Variants in CDH8 observed in about 807,000 individuals in gnomAD.
CDH8 encodes the protein cadherin-8.
A neutral mutation model predicts 68.1 loss-of-function variants in CDH8; 17 were observed. The observed-to-expected ratio is 0.25, with a 90% CI of 0.17 to 0.37. CDH8 has a LOEUF of 0.37. CDH8 is among the 10% of genes least tolerant of loss of function. CDH8 has a pLI of 1.00. For missense variants in CDH8, 763 were observed against 999.3 expected (o/e 0.76, Z 3.19); for synonymous variants, 372 against 365.1 (o/e 1.02, Z -0.21).
chr16:61,728,462 T>G (rs577202476), intron 8 of CDH8, among the ~76,000 whole-genome samples: 15 of 151,168 alleles, frequency 9.9e-5, no homozygotes, highest in African/African-American at 3.6e-4. Flanking sequence ...TTGACTTCAC[T>G]TCCCAAAAAT....
chr16:61,673,426 T>C (rs372932424), intron 10 of CDH8, among the ~76,000 whole-genome samples: 6 of 152,108 alleles, frequency 3.9e-5, no homozygotes, highest in African/African-American at 7.2e-5. Flanking sequence ...TAATCTGATA[T>C]AAGTCAACTT....
At chr16:61,813,708 T>G (rs968945836) in intron 7 of CDH8, among the ~76,000 whole-genome samples, 5 of 152,172 alleles carry the variant, frequency 3.3e-5, no homozygotes, top group Admixed American at 6.5e-5. Context: ...AATAAAATCC[T>G]GTCCTACTCA....
At chr16:61,778,152 C>G (rs2142991656) in intron 8 of CDH8, among the ~76,000 whole-genome samples, 1 of 152,212 alleles carries the variant, frequency 6.6e-6, no homozygotes, top group Non-Finnish European at 1.5e-5. Flanking sequence ...CATCTCTTCT[C>G]TTCCATGGGT....
chr16:61,683,481 C>T (rs1476312831), intron 10 of CDH8, among the ~76,000 whole-genome samples: 2 of 151,972 alleles, frequency 1.3e-5, no homozygotes, highest in African/African-American at 2.4e-5. Context: ...TTGAAGCATA[C>T]ATTTTAATTT....
At chr16:61,710,929 A>C (rs1201662321) in intron 10 of CDH8, 1 of 152,024 alleles carries the variant, frequency 6.6e-6, no homozygotes, top group Non-Finnish European at 1.5e-5. Flanking sequence ...AAATGTGGTC[A>C]ACAAAACTCT....
intron 4 of CDH8, among the ~76,000 whole-genome samples, chr16:61,849,703 A>G (rs1365559814): frequency 6.6e-6 from 1 of 152,134 alleles, no homozygotes; most frequent in Non-Finnish European, 1.5e-5. Flanking sequence ...CCTCCACTGC[A>G]TGTCACTCCT....
chr16:61,795,775 C>G (rs1460952392), intron 7 of CDH8, among the ~76,000 whole-genome samples: 1 of 152,008 alleles, frequency 6.6e-6, no homozygotes, highest in African/African-American at 2.4e-5. Flanking sequence ...TTTGTCTATA[C>G]CAGGGTTTAC....
intron 10 of CDH8, among the ~76,000 whole-genome samples, chr16:61,679,403 T>C (rs1237945370): frequency 1.3e-5 from 2 of 152,062 alleles, no homozygotes; most frequent in Non-Finnish European, 2.9e-5. Context: ...GTTATCATTA[T>C]ACCAATGGAA....
At chr16:61,871,198 T>C (rs1597031552) in intron 3 of CDH8, among the ~76,000 whole-genome samples, 1 of 151,978 alleles carries the variant, frequency 6.6e-6, no homozygotes, top group South Asian at 2.1e-4. Context: ...TTTCCTTTTT[T>C]TGAGACAGGA....
Position 61,653,649 on chromosome 16 carries a change from C to A in CDH8, c.2359G>T (p.Gly787Cys). ...CTTTCACCAACAGAGTAGAGTTCGC[C>A]CAGTCTCTTAAAGCGGGGACCCCAG... ...SDWGPRFKRLGELYSVGESDK... is the reference protein window; with the variant it reads ...SDWGPRFKRLCELYSVGESDK... Residue 787 changes from glycine to cysteine, a missense_variant, in exon 12 of 12, where the codon GGC (glycine) becomes TGC (cysteine). Gly to Cys is a radical substitution (Grantham distance 159, BLOSUM62 -3). Transcript: ENST00000577390. 6.2e-7 allele frequency: 1 copy of A among 1,613,662 alleles called. No homozygotes were observed. The highest frequency in any genetic ancestry group is 8.5e-7 in the Non-Finnish European group (1 of 1,179,896).
chr16:62,007,661 C>T (rs887105396), intron 2 of CDH8, among the ~76,000 whole-genome samples: 21 of 152,132 alleles, frequency 1.4e-4, no homozygotes, highest in African/African-American at 4.8e-4. Flanking sequence ...ATTAACCCAT[C>T]CATCCAGGGG....
chr16:61,893,173 A>G (rs1963807095), intron 3 of CDH8, among the ~76,000 whole-genome samples: 1 of 151,950 alleles, frequency 6.6e-6, no homozygotes, highest in Non-Finnish European at 1.5e-5. Context: ...CAAAACTCCA[A>G]TCTCTGCCTC....
chr16:61,700,520 C>T (rs1171334849), intron 10 of CDH8, among the ~76,000 whole-genome samples: 5 of 152,000 alleles, frequency 3.3e-5, no homozygotes, highest in Admixed American at 2.6e-4. Context: ...ACCTTGTGAT[C>T]CCCCCACCTC....
intron 7 of CDH8, among the ~76,000 whole-genome samples, chr16:61,798,557 T>G (rs1438596523): frequency 6.6e-6 from 1 of 152,220 alleles, no homozygotes; most frequent in East Asian, 1.9e-4. Context: ...ATGAGCTGTA[T>G]TTGGCTAGTG....
Position 61,654,075 on chromosome 16 carries a change from G to A in CDH8, c.1933C>T (p.Arg645Trp), listed in dbSNP as rs767625854. The A allele has an allele frequency of 9.3e-6, 15 of 1,613,658 alleles. No homozygotes were observed. Among genetic ancestry groups the A allele is most frequent in the Admixed American group, 1.7e-5 (1 of 59,954 alleles). Residue 645 changes from arginine (R) to tryptophan (W), a missense_variant, in exon 12 of 12, where the codon CGG (arginine) becomes TGG (tryptophan). By Grantham distance (101) the Arg-to-Trp change is moderately radical (BLOSUM62 -3). Coordinates refer to ENST00000577390, the MANE Select transcript of CDH8 (RefSeq NM_001796.5). ...LVIVVLFVTLRRHKNEPLIIK... is the reference protein window; with the variant it reads ...LVIVVLFVTLWRHKNEPLIIK... ...ATTAATGGTTCATTTTTATGCCGCCGTAGAGTTACAAACAGCACCACGATG... is the reference window on the plus strand; with the variant it reads ...ATTAATGGTTCATTTTTATGCCGCCATAGAGTTACAAACAGCACCACGATG...
intron 2 of CDH8, among the ~76,000 whole-genome samples, chr16:61,966,968 G>A (rs1318743767): frequency 6.6e-6 from 1 of 152,136 alleles, no homozygotes; most frequent in East Asian, 1.9e-4. Flanking sequence ...ACTTTGGGAG[G>A]CCAACACGGG....
intron 8 of CDH8, among the ~76,000 whole-genome samples, chr16:61,742,294 T>A (rs1383406219): frequency 6.6e-6 from 1 of 152,134 alleles, no homozygotes; most frequent in Non-Finnish European, 1.5e-5. Context: ...TGATTGTGAG[T>A]AATGACAATC....
chr16:61,689,882 C>T (rs996588363), intron 10 of CDH8, among the ~76,000 whole-genome samples: 12 of 151,746 alleles, frequency 7.9e-5, no homozygotes, highest in Non-Finnish European at 1.2e-4. Context: ...CTACTTTGCT[C>T]AAGGTTACAT....
At chr16:61,835,964 C>A (rs987227658) in intron 4 of CDH8, among the ~76,000 whole-genome samples, 2 of 151,836 alleles carry the variant, frequency 1.3e-5, no homozygotes, top group Non-Finnish European at 2.9e-5. Flanking sequence ...ATTCTTAGAA[C>A]CTCAGTCTCC....
Sources: gnomAD v4.1 joint callset for allele counts (sites outside exome capture counted in the v4.1 genomes callset) on GRCh38, gnomAD v4.1.1 for gene constraint, MANE v1.5 for transcripts, NCBI Gene and HGNC (gene_info 2026-07-23, HGNC 2026-07-21) for gene names.